Variants in TAFA4 observed in about 807,000 individuals in gnomAD.
The protein encoded by TAFA4 is chemokine-like protein TAFA-4.
TAFA4 carries 20 observed loss-of-function variants against 21.1 expected under a neutral mutation model. The ratio of observed to expected loss-of-function variants is 0.95; its 90% confidence interval spans 0.67 to 1.38. TAFA4 has a LOEUF of 1.38. Among genes scored for constraint, TAFA4 ranks in the 40% most tolerant of loss-of-function variants. TAFA4 has a pLI of 0.00. For missense variants in TAFA4, 211 were observed against 180.9 expected, an observed-to-expected ratio of 1.17 and a Z score of -0.95; for synonymous variants, 71 against 67.4, an observed-to-expected ratio of 1.05 and a Z score of -0.26.
At chr3:68,878,641 T>C (rs557942443) in intron 3 of TAFA4, among the ~76,000 whole-genome samples, 2 of 152,294 alleles carry the variant, frequency 1.3e-5, no homozygotes, top group Middle Eastern at 3.4e-3. Flanking sequence ...AACCTGCCAA[T>C]TGGCCCCTTC....
intron 1 of TAFA4, among the ~76,000 whole-genome samples, chr3:68,888,287 T>C (rs2089694536): frequency 6.6e-6 from 1 of 152,136 alleles, no homozygotes; most frequent in South Asian, 2.1e-4. Flanking sequence ...TGCTTGAGAC[T>C]TCATCAGAAT....
At chr3:68,881,604 T>A (rs1227385882) in intron 2 of TAFA4, among the ~76,000 whole-genome samples, 2 of 152,238 alleles carry the variant, frequency 1.3e-5, no homozygotes, top group Non-Finnish European at 2.9e-5. Flanking sequence ...TTGCTTTTTT[T>A]ATATTAACTT....
In TAFA4 at chr3:68,878,785, C is replaced by T. The variant is rs980993283; in HGVS notation, c.130+1945G>A. 2.6e-5 allele frequency among the ~76,000 whole-genome samples: 4 copies of T among 152,142 alleles called. No homozygotes were observed. In the South Asian group the frequency reaches 6.2e-4, roughly 24 times the overall value. On this transcript the variant is annotated intron_variant, in intron 3 of 5. Coordinates refer to ENST00000295569, the MANE Select transcript of TAFA4 (RefSeq NM_182522.5). The stretch of plus-strand genomic sequence containing the variant: ...GTTTTTTAGTTGCTTAAAAATACTA[C>T]TGGATTCTGTGGAAATGTATTAATG...
chr3:68,810,280 C>A (rs1703804614), intron 3 of TAFA4, among the ~76,000 whole-genome samples: 1 of 152,150 alleles, frequency 6.6e-6, no homozygotes, highest in Non-Finnish European at 1.5e-5. Flanking sequence ...GCATTTCCAA[C>A]TGAGGTAATG....
At chr3:68,927,090 G>A (rs1013338257) in intron 1 of TAFA4, among the ~76,000 whole-genome samples, 8 of 152,054 alleles carry the variant, frequency 5.3e-5, no homozygotes, top group African/African-American at 1.7e-4. Context: ...AAACTCCTCT[G>A]GGGAGCAAAA....
At chr3:68,925,677 A>T (rs1331777945) in intron 1 of TAFA4, among the ~76,000 whole-genome samples, 3 of 152,188 alleles carry the variant, frequency 2.0e-5, no homozygotes, top group African/African-American at 7.2e-5. Context: ...ATTAAGATAA[A>T]TTTTTAGGTA....
chr3:68,902,577 A>G (rs758955160), intron 1 of TAFA4, among the ~76,000 whole-genome samples: 22 of 152,120 alleles, frequency 1.4e-4, no homozygotes, highest in Non-Finnish European at 2.5e-4. Context: ...CATGTTTCCC[A>G]GGCTGGTCTC....
chr3:68,778,105 T>C (rs1703081844), intron 3 of TAFA4, among the ~76,000 whole-genome samples: 1 of 152,172 alleles, frequency 6.6e-6, no homozygotes, highest in South Asian at 2.1e-4. Flanking sequence ...GCAGAGATTT[T>C]GGAATGAATA....
chr3:68,868,201 C>T (rs952462183), intron 3 of TAFA4, among the ~76,000 whole-genome samples: 1 of 151,956 alleles, frequency 6.6e-6, no homozygotes, highest in Non-Finnish European at 1.5e-5. Flanking sequence ...AGTAGCTAAC[C>T]TTATACCAGT....
chr3:68,811,015 A>G (rs1195075539), intron 3 of TAFA4, among the ~76,000 whole-genome samples: 1 of 152,176 alleles, frequency 6.6e-6, no homozygotes, highest in African/African-American at 2.4e-5. Context: ...GCTGTTCACC[A>G]ATATCCACTG....
At chr3:68,870,402 C>A (rs1369422266) in intron 3 of TAFA4, among the ~76,000 whole-genome samples, 1 of 151,932 alleles carries the variant, frequency 6.6e-6, no homozygotes, top group African/African-American at 2.4e-5. Flanking sequence ...ACAATCCGAA[C>A]TGGACAAAAA....
intron 3 of TAFA4, among the ~76,000 whole-genome samples, chr3:68,757,888 T>C (rs77014058): frequency 0.023 from 3,528 of 152,318 alleles, 141 homozygotes; most frequent in African/African-American, 0.081. Context: ...GATGGCATCT[T>C]AGATTTGATA....
intron 3 of TAFA4, among the ~76,000 whole-genome samples, chr3:68,780,006 C>A (rs1303074571): frequency 6.6e-6 from 1 of 152,200 alleles, no homozygotes; most frequent in Admixed American, 6.5e-5. Flanking sequence ...GGGAGCCCAC[C>A]TCTTGCATCA....
chr3:68,894,420 A>T (rs1383077514), intron 1 of TAFA4, among the ~76,000 whole-genome samples: 1 of 152,162 alleles, frequency 6.6e-6, no homozygotes, highest in African/African-American at 2.4e-5. Flanking sequence ...TTGGGCTCCC[A>T]AAGTACTGGC....
intron 3 of TAFA4, among the ~76,000 whole-genome samples, chr3:68,827,358 G>T (rs1375343926): frequency 1.3e-5 from 2 of 152,156 alleles, no homozygotes; most frequent in African/African-American, 4.8e-5. Context: ...GTGTGCATAT[G>T]TCTTTATAGT....
At chr3:68,913,525 AG>A (rs2089978911) in intron 1 of TAFA4, 2 of 152,230 alleles carry the variant, frequency 1.3e-5, no homozygotes, top group South Asian at 2.1e-4. Flanking sequence ...TGGAAGGGGC[AG>A]GGAAAGGCTG....
rs571941007 is a variant in TAFA4, at chr3:68,923,624, T to C, written c.-123+8616A>G. 2.6e-5 allele frequency among the ~76,000 whole-genome samples: 4 copies of C among 152,250 alleles called. No individual in the cohort carries two copies. In the South Asian group the frequency reaches 8.3e-4, roughly 32 times the overall value. ...CCTCAATAGCCACAGTGTGTATTTA[T>C]TGCCTGTTATTATTTTGATAAAATA... On this transcript the variant is annotated intron_variant, in intron 1 of 5. Transcript: ENST00000295569.
chr3:68,823,685 A>C (rs764079960), intron 3 of TAFA4, among the ~76,000 whole-genome samples: 21 of 152,098 alleles, frequency 1.4e-4, no homozygotes, highest in Non-Finnish European at 2.5e-4. Flanking sequence ...CCCACTTATA[A>C]AGTGAGGACA....
chr3:68,813,689 A>G (rs1397074759), intron 3 of TAFA4, among the ~76,000 whole-genome samples: 7 of 152,150 alleles, frequency 4.6e-5, no homozygotes, highest in Non-Finnish European at 1.0e-4. Context: ...TTACCAACCA[A>G]AAAAAGTCCA....
Sources: allele counts gnomAD v4.1 joint callset (sites outside exome capture counted in the v4.1 genomes callset), GRCh38; gene constraint gnomAD v4.1.1; transcripts MANE v1.5; gene names NCBI Gene and HGNC (gene_info 2026-07-23, HGNC 2026-07-21).